The following SP140 variants were observed in gnomAD, a reference collection of about 807,000 sequenced individuals.
The protein encoded by SP140 is nuclear body protein SP140.
A neutral mutation model predicts 125.0 loss-of-function variants in SP140; 81 were observed. That is an observed-to-expected ratio of 0.65 (90% CI 0.54 to 0.78). The LOEUF is 0.78. Among genes scored for constraint, SP140 ranks in the 30% least tolerant of loss-of-function variants. SP140 has a pLI of 0.00. For synonymous variants in SP140, 312 were observed against 354.0 expected, an observed-to-expected ratio of 0.88 and a Z score of 1.33; for missense variants, 858 against 1,037.0, an observed-to-expected ratio of 0.83 and a Z score of 2.37.
intron 15 of SP140, among the ~76,000 whole-genome samples, chr2:230,280,149 G>T (rs561896160): frequency 1.4e-4 from 21 of 152,148 alleles, no homozygotes; most frequent in Non-Finnish European, 1.0e-4. Flanking sequence ...CTTGCACATG[G>T]TTGTATATTT....
intron 3 of SP140, among the ~76,000 whole-genome samples, chr2:230,218,501 C>CT (rs1319779315): frequency 1.3e-5 from 2 of 152,130 alleles, no homozygotes; most frequent in African/African-American, 4.8e-5. Context: ...GTGCAAAGAT[C>CT]AGTGCAAAGT....
In SP140 at chr2:230,270,624, C is replaced by T; in HGVS notation, c.1483C>T (p.Pro495Ser). ...TGCAAACAACTCCACTTTGGGAAAACCCAAGAGGAAAAGAAGTAAGAATAA... is the reference window on the plus strand; with the variant it reads ...TGCAAACAACTCCACTTTGGGAAAATCCAAGAGGAAAAGAAGTAAGAATAA... ...DIANNSTLGK[P>S]KRKRRKKRGH... The change falls in exon 15 of 27, where the codon CCC becomes TCC. Residue 495 changes from proline to serine, a missense_variant. Physicochemically the swap from Pro to Ser is moderately conservative, Grantham distance 74. Around this residue, in one of 4 missense-constraint regions of SP140, gnomAD observed 791 missense variants for 869.5 expected, o/e 0.91. Coordinates refer to ENST00000392045, the MANE Select transcript of SP140 (RefSeq NM_007237.5). 6.2e-7 allele frequency: 1 copy of T among 1,609,346 alleles called. No homozygotes were observed. The highest frequency in any genetic ancestry group is 8.5e-7 in the Non-Finnish European group (1 of 1,177,382).
chr2:230,200,978 A>C, upstream of SP140: 1 of 1,602,306 alleles, frequency 6.2e-7, no homozygotes, highest in Non-Finnish European at 8.6e-7. Flanking sequence ...GGAAAATGAA[A>C]GATCTTAGTA....
intron 6 of SP140, 117 bp downstream of exon 6, chr2:230,245,197 GGTT>G: frequency 1.5e-6 from 1 of 680,570 alleles, no homozygotes. Flanking sequence ...TTCAGCCTGT[GGTT>G]GTTTTCCCCA....
In SP140 at chr2:230,313,184, A is replaced by T. The variant is rs2149652131; in HGVS notation, c.*500A>T. The T allele has an allele frequency of 6.5e-6, 1 of 153,842 alleles. No individual in the cohort carries two copies. Among genetic ancestry groups the T allele is most frequent in the Admixed American group, 6.5e-5 (1 of 15,306 alleles). The allele number at this position is 153,842 out of a possible 1,614,324, so 9.5% of individuals were successfully genotyped here. A position where few individuals can be genotyped will look rare whatever the true frequency, so the allele number is the denominator to read the frequency against. On this transcript the variant is annotated 3_prime_UTR_variant, in exon 27 of 27. Coordinates refer to ENST00000392045, the MANE Select transcript of SP140 (RefSeq NM_007237.5). ...CATATTTTGTGGGACTCCTGTGCAA[A>T]CATATGTTATTAAAATTTTTTTCCT...
At chr2:230,241,689 T>C (rs1316931396) in intron 4 of SP140, among the ~76,000 whole-genome samples, 9 of 152,104 alleles carry the variant, frequency 5.9e-5, no homozygotes, top group Non-Finnish European at 1.5e-5. Flanking sequence ...CTTGAATAGA[T>C]GGAGTCTCCA....
chr2:230,220,440 A>T (rs1158742489), intron 3 of SP140, among the ~76,000 whole-genome samples: 1 of 152,220 alleles, frequency 6.6e-6, no homozygotes, highest in East Asian at 1.9e-4. Flanking sequence ...TGTGCCAGAA[A>T]TGCCTAGAAC....
chr2:230,219,879 C>G, intron 3 of SP140: 2 of 980,254 alleles, frequency 2.0e-6, no homozygotes, highest in Non-Finnish European at 1.2e-6. Context: ...CTCACCTGGA[C>G]TTTGAGTTTG....
chr2:230,270,941 C>A, intron 15 of SP140: 1 of 425,844 alleles, frequency 2.3e-6, no homozygotes, highest in South Asian at 1.8e-5. Context: ...CTTTTCCTGG[C>A]TGTGGAGAAA....
intron 1 of SP140, among the ~76,000 whole-genome samples, chr2:230,209,325 GT>G (rs948543501): frequency 2.0e-5 from 3 of 152,248 alleles, no homozygotes; most frequent in Non-Finnish European, 4.4e-5. Context: ...TAACAGAGTT[GT>G]CTGTTATCCG....
intron 1 of SP140, among the ~76,000 whole-genome samples, chr2:230,226,434 C>A (rs1005636954): frequency 2.6e-5 from 4 of 151,950 alleles, no homozygotes; most frequent in Admixed American, 2.6e-4. Context: ...GCAGATGAGA[C>A]CCAACAAAAA....
At chr2:230,204,337 C>T (rs1343630338) in intron 1 of SP140, among the ~76,000 whole-genome samples, 2 of 152,146 alleles carry the variant, frequency 1.3e-5, no homozygotes, top group African/African-American at 2.4e-5. Flanking sequence ...AATCCTATAA[C>T]GTGTAGAGCA....
At chr2:230,219,327 C>A (rs1323162802) in intron 3 of SP140, among the ~76,000 whole-genome samples, 2 of 152,186 alleles carry the variant, frequency 1.3e-5, no homozygotes, top group African/African-American at 4.8e-5. Flanking sequence ...TAGTAATAAT[C>A]TCAGACACTG....
At chr2:230,267,071 C>G (rs1366488837) in intron 12 of SP140, among the ~76,000 whole-genome samples, 1 of 152,196 alleles carries the variant, frequency 6.6e-6, no homozygotes, top group East Asian at 1.9e-4. Context: ...TAGAAAATAA[C>G]TGTCCAGATA....
intron 3 of SP140, chr2:230,239,161 A>C: frequency 1.4e-6 from 1 of 701,284 alleles, no homozygotes; most frequent in Non-Finnish European, 2.0e-6. Context: ...TCTTGTTTTC[A>C]TATTATGATA....
chr2:230,243,937 G>T (rs75370915), intron 5 of SP140, 126 bp downstream of exon 5: 2 of 646,608 alleles, frequency 3.1e-6, no homozygotes, highest in Non-Finnish European at 5.5e-6. Context: ...TTTGTCCTTG[G>T]ATCCTATAAT....
chr2:230,285,930 T>A (rs1387109141), intron 17 of SP140, 98 bp downstream of exon 17: 1 of 875,094 alleles, frequency 1.1e-6, no homozygotes, highest in African/African-American at 1.7e-5. Flanking sequence ...TGTTTACTCA[T>A]CAAGCTTAGT....
At chr2:230,292,108 G>T (rs2057182995) in intron 19 of SP140, among the ~76,000 whole-genome samples, 1 of 152,196 alleles carries the variant, frequency 6.6e-6, no homozygotes, top group Admixed American at 6.5e-5. Context: ...TCAGCTACCT[G>T]TGATTGCAGG....
At chr2:230,216,486 C>A (rs1420656675) in intron 3 of SP140, among the ~76,000 whole-genome samples, 1 of 152,186 alleles carries the variant, frequency 6.6e-6, no homozygotes, top group Non-Finnish European at 1.5e-5. Context: ...AGGAACCAAC[C>A]CTGTCAACAC....
Sources: allele counts gnomAD v4.1 joint callset (sites outside exome capture counted in the v4.1 genomes callset), GRCh38; gene constraint gnomAD v4.1.1; regional missense constraint gnomAD v4.1.1; transcripts MANE v1.5; gene names NCBI Gene and HGNC (gene_info 2026-07-23, HGNC 2026-07-21).